EYS: variants seen among roughly 807,000 people sequenced by gnomAD.
EYS encodes EGF-like photoreceptor maintenance factor, also known as protein eyes shut homolog.
EYS carries 250 observed loss-of-function variants against 282.1 expected under a neutral mutation model. That is an observed-to-expected ratio of 0.89 (90% CI 0.80 to 0.98). The LOEUF (loss-of-function observed/expected upper bound fraction) is 0.98. Ranked by LOEUF, EYS falls within the 50% of genes least tolerant of loss-of-function variation. EYS has a pLI of 0.00. For missense variants in EYS, 4,016 were observed against 3,709.0 expected (o/e 1.08, Z -2.15); for synonymous variants, 1,355 against 1,282.9 (o/e 1.06, Z -1.20).
At chr6:64,588,363 T>C (rs1186887732) in intron 26 of EYS, among the ~76,000 whole-genome samples, 1 of 152,104 alleles carries the variant, frequency 6.6e-6, no homozygotes, top group Non-Finnish European at 1.5e-5. Context: ...TTGTTTATTC[T>C]ACCCTCTAAA....
At chr6:64,193,368 T>C (rs1000991241) in intron 31 of EYS, among the ~76,000 whole-genome samples, 1 of 152,028 alleles carries the variant, frequency 6.6e-6, no homozygotes, top group Non-Finnish European at 1.5e-5. Flanking sequence ...TGGAGTGCAG[T>C]GGCGTGATCT....
intron 5 of EYS, among the ~76,000 whole-genome samples, chr6:65,430,317 C>T (rs1767835430): frequency 1.3e-5 from 2 of 152,142 alleles, no homozygotes; most frequent in South Asian, 4.1e-4. Flanking sequence ...CCGAACTCAT[C>T]TGACACCTGC....
chr6:63,852,143 C>A (rs1427160079), intron 36 of EYS, among the ~76,000 whole-genome samples: 1 of 95,742 alleles, frequency 1.0e-5, no homozygotes, highest in African/African-American at 4.3e-5. Flanking sequence ...GGCGACAGAG[C>A]GAGACTCTGT....
intron 28 of EYS, among the ~76,000 whole-genome samples, chr6:64,406,022 A>C (rs1298268654): frequency 6.6e-6 from 1 of 152,230 alleles, no homozygotes; most frequent in Non-Finnish European, 1.5e-5. Context: ...AGCCAAAAGA[A>C]TAAAGCTGGA....
intron 31 of EYS, among the ~76,000 whole-genome samples, chr6:64,107,769 G>T (rs1369256879): frequency 6.6e-6 from 1 of 152,092 alleles, no homozygotes; most frequent in Non-Finnish European, 1.5e-5. Flanking sequence ...AAAAGGAACT[G>T]CTGTAAATAG....
intron 12 of EYS, among the ~76,000 whole-genome samples, chr6:65,215,499 A>G (rs1230053147): frequency 3.9e-5 from 6 of 152,226 alleles, no homozygotes; most frequent in African/African-American, 1.4e-4. Context: ...TGGTTTCTTA[A>G]GATGGAATGT....
chr6:64,231,748 T>C (rs1487773690), intron 30 of EYS, among the ~76,000 whole-genome samples: 1 of 152,172 alleles, frequency 6.6e-6, no homozygotes, highest in African/African-American at 2.4e-5. Context: ...TCTCATTTTA[T>C]CAGAAATCTT....
chr6:64,903,366 T>C (rs1767726139), intron 16 of EYS, among the ~76,000 whole-genome samples: 1 of 152,164 alleles, frequency 6.6e-6, no homozygotes, highest in African/African-American at 2.4e-5. Flanking sequence ...CAGGCTAATT[T>C]AGTTTGAGGA....
intron 35 of EYS, among the ~76,000 whole-genome samples, chr6:63,899,475 G>C (rs1316958307): frequency 2.0e-5 from 3 of 152,076 alleles, no homozygotes; most frequent in Admixed American, 1.3e-4. Context: ...ATATGAATCT[G>C]CCTTCATTTT....
chr6:65,317,999 C>G (rs1313792526), intron 11 of EYS, among the ~76,000 whole-genome samples: 1 of 151,160 alleles, frequency 6.6e-6, no homozygotes, highest in East Asian at 1.9e-4. Flanking sequence ...TCCAGAGTAG[C>G]TGGGATGACA....
intron 31 of EYS, among the ~76,000 whole-genome samples, chr6:64,125,286 G>T (rs955233086): frequency 3.9e-5 from 6 of 152,054 alleles, no homozygotes; most frequent in African/African-American, 1.4e-4. Flanking sequence ...GAGAGTGCAG[G>T]GAAAAGAGAA....
intron 12 of EYS, among the ~76,000 whole-genome samples, chr6:65,086,851 G>C (rs1774392093): frequency 6.6e-6 from 1 of 151,252 alleles, no homozygotes; most frequent in South Asian, 2.1e-4. Context: ...TTTTAACGGA[G>C]TCTTGCTCTG....
chr6:64,594,204 C>T (rs1437584885), intron 24 of EYS, among the ~76,000 whole-genome samples: 1 of 152,206 alleles, frequency 6.6e-6, no homozygotes, highest in East Asian at 1.9e-4. Flanking sequence ...GTATAAATGT[C>T]AGATGATTCC....
intron 12 of EYS, among the ~76,000 whole-genome samples, chr6:65,186,360 C>T (rs573727915): frequency 1.3e-5 from 2 of 151,726 alleles, no homozygotes; most frequent in South Asian, 4.2e-4. Context: ...GATATATGGA[C>T]AAAAATTACT....
chr6:65,013,397 C>A (rs1021073097), intron 13 of EYS, among the ~76,000 whole-genome samples: 2 of 152,056 alleles, frequency 1.3e-5, no homozygotes, highest in Admixed American at 1.3e-4. Flanking sequence ...CTGTGCTAGA[C>A]GCGGGAGGTG....
Position 64,912,709 on chromosome 6 carries a change from A to T in EYS, c.2416T>A (p.Cys806Ser). 2 of 1,484,086 alleles carry T rather than the reference A, an allele frequency of 1.3e-6. No individual in the cohort carries two copies. The highest frequency in any genetic ancestry group is 1.8e-6 in the Non-Finnish European group (2 of 1,109,366). The allele number at this position is 1,484,086 out of a possible 1,614,324, so 91.9% of individuals were successfully genotyped here. The change falls in exon 16 of 43, where the codon TGT (cysteine) becomes AGT (serine). Residue 806 changes from cysteine (C) to serine (S), a missense_variant. By Grantham distance (112) the Cys-to-Ser change is moderately radical (BLOSUM62 -1). Coordinates refer to ENST00000503581, the MANE Select transcript of EYS (RefSeq NM_001142800.2). Reference protein sequence around the residue: ...ECTSGWTGQNCSEEINECDSD... With the variant: ...ECTSGWTGQNSSEEINECDSD... ...TCGCATTCATTTATTTCTTCACTAC[A>T]GTTCTGTCCAGTCCATCCAGATGTA... is the stretch of plus-strand genomic sequence containing the variant.
intron 13 of EYS, among the ~76,000 whole-genome samples, chr6:65,023,366 C>T (rs1772305169): frequency 6.6e-6 from 1 of 152,050 alleles, no homozygotes; most frequent in Admixed American, 6.6e-5. Context: ...TTTTTCTCCA[C>T]CACTGGAACA....
At chr6:65,401,434 C>A (rs1766490373) in intron 7 of EYS, among the ~76,000 whole-genome samples, 1 of 149,902 alleles carries the variant, frequency 6.7e-6, no homozygotes, top group Non-Finnish European at 1.5e-5. Flanking sequence ...TAAGTACATT[C>A]ACTAATCTAC....
At chr6:65,478,089 C>G (rs1459903908) in intron 5 of EYS, among the ~76,000 whole-genome samples, 3 of 152,098 alleles carry the variant, frequency 2.0e-5, no homozygotes, top group Non-Finnish European at 4.4e-5. Context: ...CGATCACAGG[C>G]TTTGCTGTCA....
Sources: gnomAD v4.1 joint callset for allele counts (sites outside exome capture counted in the v4.1 genomes callset) on GRCh38, gnomAD v4.1.1 for gene constraint, MANE v1.5 for transcripts, NCBI Gene and HGNC (gene_info 2026-07-23, HGNC 2026-07-21) for gene names.